GPR83: variants seen among roughly 807,000 people sequenced by gnomAD.
The protein encoded by GPR83 is G protein-coupled receptor 83, also known as G-protein coupled receptor 72.
GPR83 carries 23 observed loss-of-function variants against 28.0 expected under a neutral mutation model. That is an observed-to-expected ratio of 0.82 (90% CI 0.59 to 1.16). The LOEUF (loss-of-function observed/expected upper bound fraction) is 1.16. Ranked by LOEUF, GPR83 falls within the 50% of genes most tolerant of loss-of-function variation. GPR83 has a pLI of 0.00. For synonymous variants in GPR83, 234 were observed against 215.4 expected, an observed-to-expected ratio of 1.09 and a Z score of -0.76; for missense variants, 610 against 536.6, an observed-to-expected ratio of 1.14 and a Z score of -1.35.
At chr11:94,396,927 A>G (rs1463153335) in intron 1 of GPR83, among the ~76,000 whole-genome samples, 1 of 152,142 alleles carries the variant, frequency 6.6e-6, no homozygotes, top group Non-Finnish European at 1.5e-5. Context: ...TAAGGTTTAA[A>G]TTTTTTAAAT....
At position 94,380,181 on chromosome 11, in the gene GPR83, A is replaced by G. The variant is rs939805997; in HGVS notation, c.1240T>C (p.Ser414Pro). The G allele has an allele frequency of 6.6e-7, 1 of 1,517,808 alleles. No homozygotes were observed. Among genetic ancestry groups the G allele is most frequent in the Non-Finnish European group, 8.8e-7 (1 of 1,134,542 alleles). 94.0% of individuals were successfully genotyped at this position (1,517,808 alleles called of 1,614,324 possible). A position where few individuals can be genotyped will look rare whatever the true frequency, so the allele number is the denominator to read the frequency against. ...ATCGTCACAATGGGTTCCACAGATG[A>G]CAGGTCTGTCTTCCCAGACTGGAGT... The part of the protein sequence containing the change: ...SQLQSGKTDL[S>P]SVEPIVTMS Residue 414 changes from serine (S) to proline (P), a missense_variant, in exon 4 of 4, where the codon TCA becomes CCA. By Grantham distance (74) the Ser-to-Pro change is moderately conservative (BLOSUM62 -1). Transcript: ENST00000243673.
In GPR83 at chr11:94,377,893, C is replaced by A. The variant is rs1344163745; in HGVS notation, c.*2256G>T. ...ATGTAAGTCAAGGAGCTTCTGTATTCCTAGACACCCTCAGAGAGGAGTGAA... is the reference window on the plus strand; with the variant it reads ...ATGTAAGTCAAGGAGCTTCTGTATTACTAGACACCCTCAGAGAGGAGTGAA... On this transcript the variant is annotated 3_prime_UTR_variant, in exon 4 of 4. Coordinates refer to ENST00000243673, the MANE Select transcript of GPR83 (RefSeq NM_016540.4). 2 of 152,172 alleles carry A rather than the reference C, an allele frequency of 1.3e-5. No individual in the cohort carries two copies. The highest frequency in any genetic ancestry group is 4.8e-5 in the African/African-American group (2 of 41,436). 9.4% of individuals were successfully genotyped at this position (152,172 alleles called of 1,614,324 possible).
chr11:94,391,001 A>T (rs909440123), intron 3 of GPR83, among the ~76,000 whole-genome samples: 1 of 152,228 alleles, frequency 6.6e-6, no homozygotes, highest in Non-Finnish European at 1.5e-5. Flanking sequence ...ACCAAAAAAG[A>T]GCCCGCATTG....
intron 1 of GPR83, among the ~76,000 whole-genome samples, chr11:94,399,199 G>A (rs1278052499): frequency 2.0e-5 from 3 of 152,186 alleles, no homozygotes; most frequent in East Asian, 1.9e-4. Flanking sequence ...AGGCGCCAAC[G>A]GGTGACAGGG....
At chr11:94,400,340 G>A (rs1404066969) in intron 1 of GPR83, among the ~76,000 whole-genome samples, 3 of 152,164 alleles carry the variant, frequency 2.0e-5, no homozygotes, top group Admixed American at 6.5e-5. Context: ...TGCCACCGCC[G>A]CAGAAGCTCT....
chr11:94,396,681 C>T (rs901179841), intron 1 of GPR83, among the ~76,000 whole-genome samples, 157 bp from the exon 2 acceptor site: 1 of 152,094 alleles, frequency 6.6e-6, no homozygotes, highest in African/African-American at 2.4e-5. Context: ...TGATTTTCTC[C>T]AGCACAACTC....
intron 1 of GPR83, among the ~76,000 whole-genome samples, chr11:94,398,322 G>A (rs867675816): frequency 1.3e-4 from 20 of 152,006 alleles, no homozygotes; most frequent in African/African-American, 4.8e-4. Context: ...CTTTCCTTCT[G>A]GCCACCTCCG....
intron 3 of GPR83, among the ~76,000 whole-genome samples, chr11:94,388,323 G>A (rs1053893509): frequency 6.6e-6 from 1 of 152,118 alleles, no homozygotes; most frequent in Non-Finnish European, 1.5e-5. Context: ...TTCTGGCCAG[G>A]GCAATCAGGC....
chr11:94,391,064 C>T (rs1052061839), intron 3 of GPR83, among the ~76,000 whole-genome samples: 2 of 152,188 alleles, frequency 1.3e-5, no homozygotes, highest in African/African-American at 4.8e-5. Context: ...CGCTACCTGA[C>T]TTCAAACTAT....
chr11:94,387,961 A>T (rs1360788401), intron 3 of GPR83, among the ~76,000 whole-genome samples: 1 of 152,204 alleles, frequency 6.6e-6, no homozygotes, highest in African/African-American at 2.4e-5. Context: ...CAACACATCA[A>T]AAAGCTTATC....
intron 3 of GPR83, among the ~76,000 whole-genome samples, chr11:94,384,926 G>C (rs1043484533): frequency 2.0e-5 from 3 of 152,234 alleles, no homozygotes; most frequent in Non-Finnish European, 4.4e-5. Context: ...CCCCCGAGTA[G>C]TCTACCTGGG....
chr11:94,390,601 A>C (rs1944808184), intron 3 of GPR83, among the ~76,000 whole-genome samples: 1 of 152,216 alleles, frequency 6.6e-6, no homozygotes, highest in African/African-American at 2.4e-5. Flanking sequence ...AATCTCCTTA[A>C]GCTGATAAGC....
intron 1 of GPR83, 119 bp from the exon 2 acceptor site, chr11:94,396,643 T>C (rs763789474): frequency 2.2e-5 from 20 of 924,858 alleles, no homozygotes; most frequent in Non-Finnish European, 3.2e-5. Flanking sequence ...CTTCTTTCTG[T>C]CTATGATACT....
At chr11:94,399,961 C>A (rs1015597989) in intron 1 of GPR83, among the ~76,000 whole-genome samples, 1 of 152,170 alleles carries the variant, frequency 6.6e-6, no homozygotes, top group Non-Finnish European at 1.5e-5. Context: ...CCCAGCCTGC[C>A]CGATTTCTGG....
chr11:94,377,899 C>T lies in GPR83; in HGVS notation c.*2250G>A, dbSNP rs1944638336. ...GTCAAGGAGCTTCTGTATTCCTAGA[C>T]ACCCTCAGAGAGGAGTGAAGTACAA... On this transcript the variant is annotated 3_prime_UTR_variant, in exon 4 of 4. Coordinates refer to ENST00000243673, the MANE Select transcript of GPR83 (RefSeq NM_016540.4). 1 of 152,172 alleles carries T rather than the reference C, an allele frequency of 6.6e-6. No individual in the cohort carries two copies. The highest frequency in any genetic ancestry group is 6.6e-5 in the Admixed American group (1 of 15,266). The allele number at this position is 152,172 out of a possible 1,614,324, so 9.4% of individuals were successfully genotyped here. A position where few individuals can be genotyped will look rare whatever the true frequency, so the allele number is the denominator to read the frequency against.
At chr11:94,389,595 A>C (rs528491319) in intron 3 of GPR83, among the ~76,000 whole-genome samples, 63 of 152,366 alleles carry the variant, frequency 4.1e-4, no homozygotes, top group African/African-American at 1.5e-3. Context: ...GCCATCAGAG[A>C]AATGCAAATC....
At chr11:94,389,356 G>T (rs1347904209) in intron 3 of GPR83, among the ~76,000 whole-genome samples, 1 of 152,164 alleles carries the variant, frequency 6.6e-6, no homozygotes, top group Non-Finnish European at 1.5e-5. Flanking sequence ...CTTCTGCAGA[G>T]CAAAAGAAAC....
chr11:94,385,098 G>A (rs1463888055), intron 3 of GPR83, among the ~76,000 whole-genome samples: 1 of 152,182 alleles, frequency 6.6e-6, no homozygotes. Context: ...GGTCTGAAGT[G>A]GACCTCCGGC....
Position 94,378,211 on chromosome 11 carries a change from TA to T in GPR83, c.*1937del, listed in dbSNP as rs1424048932. 6.6e-6 allele frequency: 1 copy of T among 152,152 alleles called. No homozygotes were observed. Among genetic ancestry groups the T allele is most frequent in the East Asian group, 1.9e-4 (1 of 5,200 alleles). 9.4% of individuals were successfully genotyped at this position (152,152 alleles called of 1,614,324 possible). A position where few individuals can be genotyped will look rare whatever the true frequency, so the allele number is the denominator to read the frequency against. ...TCTTGAAAATTTTCAACCATCTTCA[TA>T]AATAGAAACTAGGATAAAGAACCCT... On this transcript the variant is annotated 3_prime_UTR_variant, in exon 4 of 4. Transcript: ENST00000243673.
Sources: gnomAD v4.1 joint callset for allele counts (sites outside exome capture counted in the v4.1 genomes callset) on GRCh38, gnomAD v4.1.1 for gene constraint, MANE v1.5 for transcripts, NCBI Gene and HGNC (gene_info 2026-07-23, HGNC 2026-07-21) for gene names.